Variants in HBS1L observed in about 807,000 individuals in gnomAD.
HBS1L encodes the protein HBS1 like translational GTPase.
Under a neutral mutation model 88.9 loss-of-function variants are expected in HBS1L, and 55 were observed. The ratio of observed to expected loss-of-function variants is 0.62; its 90% CI spans 0.50 to 0.77. The LOEUF (loss-of-function observed/expected upper bound fraction) is 0.77, where lower values mean the gene tolerates loss of function less well. HBS1L is among the 30% of genes least tolerant of loss of function. The pLI is 0.00. For synonymous variants in HBS1L, 267 were observed against 288.5 expected (o/e 0.93, Z 0.76); for missense variants, 741 against 829.3 (o/e 0.89, Z 1.31).
In HBS1L at chr6:135,032,853, A is replaced by G. The variant is rs143596562; in HGVS notation, c.430+6720T>C. 4.7e-3 allele frequency among the ~76,000 whole-genome samples: 720 copies of G among 151,990 alleles called. 14 individuals are homozygous for G. Among genetic ancestry groups the G allele is most frequent in the African/African-American group, 0.017 (691 of 41,462 alleles). ...AGTTATTAATACATATGAGAAGAAA[A>G]AGAGTAAAAGACAAGTTTAAGAAAG... On this transcript the variant is annotated intron_variant, in intron 4 of 17. Coordinates refer to ENST00000367837, the MANE Select transcript of HBS1L (RefSeq NM_006620.4).
At chr6:135,031,836 C>CTT (rs1240386300) in intron 4 of HBS1L, among the ~76,000 whole-genome samples, 1 of 142,422 alleles carries the variant, frequency 7.0e-6, no homozygotes, top group Non-Finnish European at 1.5e-5. Context: ...TTTGTTTTTT[C>CTT]TTTTTTTTTT....
At position 134,966,440 on chromosome 6, in the gene HBS1L, C is replaced by A; in HGVS notation, c.1932G>T (p.Glu644Asp). 1.2e-6 allele frequency: 2 copies of A among 1,609,546 alleles called. No individual in the cohort carries two copies. The highest frequency in any genetic ancestry group is 1.7e-6 in the Non-Finnish European group (2 of 1,177,808). The stretch of plus-strand genomic sequence containing the variant: ...GAGCTATTGGTCTTTGTGTCTGTAG[C>A]TCTACCAATGCATTCTGGCCTTTAG... ...FLTKGQNALV[E>D]LQTQRPIALE... Residue 644 changes from glutamate (E) to aspartate (D), a missense_variant, in exon 17 of 18, where the codon GAG becomes GAT. Transcript: ENST00000367837.
At chr6:134,992,483 T>C (rs1775169605) in intron 8 of HBS1L, among the ~76,000 whole-genome samples, 1 of 152,236 alleles carries the variant, frequency 6.6e-6, no homozygotes, top group African/African-American at 2.4e-5. Flanking sequence ...GTATAGTACT[T>C]TATAATGATA....
chr6:135,001,881 G>GA (rs1256431672), intron 5 of HBS1L, among the ~76,000 whole-genome samples: 6 of 140,546 alleles, frequency 4.3e-5, no homozygotes, highest in Admixed American at 1.4e-4. Flanking sequence ...ATATTGTAAG[G>GA]AAAAAAAAAA....
chr6:135,039,396 A>G (rs991725838), intron 4 of HBS1L, among the ~76,000 whole-genome samples, 177 bp downstream of exon 4: 1 of 152,170 alleles, frequency 6.6e-6, no homozygotes, highest in African/African-American at 2.4e-5. Flanking sequence ...GAAGAAACAC[A>G]GTCATCATCC....
At chr6:135,028,775 T>C (rs572890511) in intron 4 of HBS1L, among the ~76,000 whole-genome samples, 28 of 152,280 alleles carry the variant, frequency 1.8e-4, no homozygotes, top group African/African-American at 6.3e-4. Context: ...TCTAATGTTA[T>C]CTAAAGCCTT....
At chr6:135,046,413 AG>A (rs1776913561) in intron 2 of HBS1L, among the ~76,000 whole-genome samples, 1 of 152,228 alleles carries the variant, frequency 6.6e-6, no homozygotes, top group South Asian at 2.1e-4. Flanking sequence ...GAGCAAACAA[AG>A]ATTACTTCTA....
chr6:134,988,118 C>T (rs1775030064), intron 8 of HBS1L, among the ~76,000 whole-genome samples: 1 of 152,172 alleles, frequency 6.6e-6, no homozygotes, highest in East Asian at 1.9e-4. Flanking sequence ...AATCCCAGCA[C>T]TTTGGGAGGT....
chr6:135,052,546 C>A (rs2114934408), intron 1 of HBS1L, among the ~76,000 whole-genome samples: 1 of 150,548 alleles, frequency 6.6e-6, no homozygotes, highest in African/African-American at 2.4e-5. Context: ...CACTCGCACT[C>A]CAGCTTGGCC....
chr6:135,020,813 G>A (rs1490588905), intron 4 of HBS1L, among the ~76,000 whole-genome samples: 2 of 151,774 alleles, frequency 1.3e-5, no homozygotes, highest in Non-Finnish European at 2.9e-5. Context: ...GCTAGACAAT[G>A]GAATACTATG....
At chr6:135,005,599 T>C (rs1303006304) in intron 4 of HBS1L, among the ~76,000 whole-genome samples, 2 of 152,220 alleles carry the variant, frequency 1.3e-5, no homozygotes, top group African/African-American at 2.4e-5. Flanking sequence ...GGGAATAATA[T>C]GGCAGAATAG....
intron 16 of HBS1L, 47 bp from the exon 17 acceptor site, chr6:134,966,520 A>C (rs778583581): frequency 1.6e-6 from 2 of 1,239,276 alleles, no homozygotes; most frequent in East Asian, 5.1e-5. Context: ...AGAGGTGAAT[A>C]AATGTAATAA....
At chr6:134,989,978 G>A (rs1180640003) in intron 8 of HBS1L, among the ~76,000 whole-genome samples, 2 of 152,092 alleles carry the variant, frequency 1.3e-5, no homozygotes, top group African/African-American at 4.8e-5. Context: ...AAACCCTAGG[G>A]AGTAAATATA....
Position 134,986,110 on chromosome 6 carries a change from T to G in HBS1L, c.1379A>C (p.Glu460Ala), listed in dbSNP as rs755117560. The G allele has an allele frequency of 6.3e-7, 1 of 1,599,096 alleles. No homozygotes were observed. The highest frequency in any genetic ancestry group is 8.6e-7 in the Non-Finnish European group (1 of 1,167,202). ...ENLITRSQSS[E>A]LTKWYKGLCL... ...TAGTCCTTTATACCATTTTGTGAGTTCACTTGACTGAGATCTTGTGATTAG... is the reference window on the plus strand; with the variant it reads ...TAGTCCTTTATACCATTTTGTGAGTGCACTTGACTGAGATCTTGTGATTAG... The change falls in exon 11 of 18, where the codon GAA becomes GCA. Residue 460 changes from glutamate to alanine, a missense_variant. Physicochemically the swap from Glu to Ala is moderately radical, Grantham distance 107 (BLOSUM62 -1). This residue lies in a region of HBS1L where 556 missense variants were observed against 598.4 expected (regional missense o/e 0.93). Coordinates refer to ENST00000367837, the MANE Select transcript of HBS1L (RefSeq NM_006620.4).
At position 134,993,794 on chromosome 6, in the gene HBS1L, C is replaced by T. The variant is rs767542635; in HGVS notation, c.1047G>A (p.Lys349=). The change falls in exon 8 of 18, where the codon AAG becomes AAA. Residue 349 remains lysine (K), a synonymous_variant. Coordinates refer to ENST00000367837, the MANE Select transcript of HBS1L (RefSeq NM_006620.4). ...CTGTAATCATATTTGGAATGAAGTC[C>T]TTATGGCCTGGAGCATCCATTAATG... The part of the protein sequence containing the change: ...VITLMDAPGH[K]DFIPNMITGA... 9 of 1,599,982 alleles carry T rather than the reference C, an allele frequency of 5.6e-6. No homozygotes were observed. Among genetic ancestry groups the T allele is most frequent in the Non-Finnish European group, 5.1e-6 (6 of 1,170,612 alleles).
At chr6:134,999,470 T>G (rs1775387064) in intron 5 of HBS1L, among the ~76,000 whole-genome samples, 1 of 129,434 alleles carries the variant, frequency 7.7e-6, no homozygotes, top group African/African-American at 2.8e-5. Flanking sequence ...TTTTTTGAGA[T>G]GGAGTCTCCC....
At chr6:134,971,207 A>G (rs893295670) in intron 15 of HBS1L, among the ~76,000 whole-genome samples, 2 of 152,230 alleles carry the variant, frequency 1.3e-5, no homozygotes, top group African/African-American at 4.8e-5. Flanking sequence ...AAAGATTCCA[A>G]AAGAATTAAA....
In HBS1L at chr6:134,997,671, T is replaced by G. The variant is rs375193058; in HGVS notation, c.540-15A>C. ...CAGAAGATACTCTACAGAAGGCAGA[T>G]AGGAAAAAAGTATTTGAAACCAACT... On this transcript the variant is annotated splice_polypyrimidine_tract_variant and intron_variant, in intron 5 of 17. Transcript: ENST00000367837. 201 of 1,612,198 alleles carry G rather than the reference T, an allele frequency of 1.2e-4. No homozygotes were observed. Among genetic ancestry groups the G allele is most frequent in the Middle Eastern group, 1.2e-3 (7 of 6,044 alleles).
Position 135,016,076 on chromosome 6 carries a change from C to T in HBS1L, c.431-13234G>A, listed in dbSNP as rs961363512. Among the ~76,000 whole-genome samples, 8 of 150,792 alleles carry T rather than the reference C, an allele frequency of 5.3e-5. No individual in the cohort carries two copies. The South Asian group carries it at 8.4e-4, about 16-fold the overall frequency. ...TAATTTTTGTATTTTAGAAGAGATGCGGTTTCACCATGTTGGCCAGGCTGG... is the reference window on the plus strand; with the variant it reads ...TAATTTTTGTATTTTAGAAGAGATGTGGTTTCACCATGTTGGCCAGGCTGG... On this transcript the variant is annotated intron_variant, in intron 4 of 17. Transcript: ENST00000367837.
Sources: gnomAD v4.1 joint callset for allele counts (sites outside exome capture counted in the v4.1 genomes callset) on GRCh38, gnomAD v4.1.1 for gene constraint, gnomAD v4.1.1 regional missense constraint, MANE v1.5 for transcripts, NCBI Gene and HGNC (gene_info 2026-07-23, HGNC 2026-07-21) for gene names.